The following CLEC16A variants were observed in gnomAD, a reference collection of about 807,000 sequenced individuals.
CLEC16A encodes C-type lectin domain containing 16A, also known as protein CLEC16A.
A neutral mutation model predicts 109.5 loss-of-function variants in CLEC16A; 51 were observed. That is an observed-to-expected ratio of 0.47 (90% confidence interval 0.37 to 0.59). The LOEUF (loss-of-function observed/expected upper bound fraction) is 0.59, where lower values mean the gene tolerates loss of function less well. Among genes scored for constraint, CLEC16A ranks in the 20% least tolerant of loss-of-function variants. CLEC16A has a pLI of 0.00. For missense variants in CLEC16A, 1,339 were observed against 1,394.0 expected, an observed-to-expected ratio of 0.96 and a Z score of 0.63; for synonymous variants, 673 against 564.2, an observed-to-expected ratio of 1.19 and a Z score of -2.73.
intron 10 of CLEC16A, among the ~76,000 whole-genome samples, chr16:10,992,559 A>G (rs12447132): frequency 0.19 from 21,442 of 115,130 alleles, 4,018 homozygotes; most frequent in East Asian, 0.4. Flanking sequence ...GAAAAAGATA[A>G]CATTAAATGG....
chr16:11,049,862 C>T (rs993046829), intron 17 of CLEC16A, among the ~76,000 whole-genome samples: 34 of 152,198 alleles, frequency 2.2e-4, no homozygotes, highest in African/African-American at 7.7e-4. Context: ...GGAACTGCCA[C>T]CCCTGCGGGG....
In CLEC16A at chr16:11,123,907, C is replaced by G; in HGVS notation, c.2434C>G (p.Arg812Gly). ...CGCCAAGCAGCGCCTGGCCAAAGGC[C>G]GCATCCAGGCAAGGCGCATGAAGAT... ...IIAKQRLAKG[R>G]IQARRMKMQR... The change falls in exon 21 of 24, where the codon CGC becomes GGC. Residue 812 changes from arginine (R) to glycine (G), a missense_variant. Transcript: ENST00000409790. The G allele has an allele frequency of 6.2e-7, 1 of 1,613,686 alleles. No homozygotes were observed. The highest frequency in any genetic ancestry group is 1.1e-5 in the South Asian group (1 of 91,018).
intron 19 of CLEC16A, among the ~76,000 whole-genome samples, chr16:11,064,776 C>T (rs2048674138): frequency 6.6e-6 from 1 of 151,898 alleles, no homozygotes; most frequent in South Asian, 2.1e-4. Context: ...GACCCTCTTT[C>T]AAAAAAATAA....
chr16:11,085,403 G>A lies in CLEC16A; in HGVS notation c.2116+24381G>A, dbSNP rs544624889. Among the ~76,000 whole-genome samples the A allele has an allele frequency of 5.2e-5, 8 of 152,396 alleles. No homozygotes were observed. In the South Asian group the frequency reaches 1.2e-3, roughly 24 times the overall value. ...GCCCGTGGAGGTGCTGGGGCAGCAC[G>A]CTGGCAAGCAGGCAGACTCGGCCAA... On this transcript the variant is annotated intron_variant, in intron 19 of 23. Coordinates refer to ENST00000409790, the MANE Select transcript of CLEC16A (RefSeq NM_015226.3).
intron 22 of CLEC16A, among the ~76,000 whole-genome samples, chr16:11,164,306 C>T (rs2054827474): frequency 1.3e-5 from 2 of 152,180 alleles, no homozygotes; most frequent in African/African-American, 4.8e-5. Flanking sequence ...TGTTAAGTCA[C>T]CCCCAAAACC....
chr16:11,124,046 G>T (rs79917284), intron 21 of CLEC16A, 100 bp downstream of exon 21: 115 of 1,041,636 alleles, frequency 1.1e-4, no homozygotes, highest in Non-Finnish European at 1.1e-4. Flanking sequence ...TAGCATAGAA[G>T]AAGACACGTA....
chr16:11,125,269 G>C (rs761687538), intron 21 of CLEC16A, among the ~76,000 whole-genome samples: 1 of 151,704 alleles, frequency 6.6e-6, no homozygotes, highest in African/African-American at 2.4e-5. Flanking sequence ...AAATCATTCA[G>C]CCCTTTCTTT....
chr16:11,137,067 C>T (rs1018347542), intron 22 of CLEC16A, among the ~76,000 whole-genome samples: 3 of 152,188 alleles, frequency 2.0e-5, no homozygotes, highest in Admixed American at 1.3e-4. Flanking sequence ...TCTACTCCAT[C>T]GTGTGAACCA....
At chr16:11,152,663 C>T (rs1309414360) in intron 22 of CLEC16A, among the ~76,000 whole-genome samples, 2 of 152,226 alleles carry the variant, frequency 1.3e-5, no homozygotes, top group African/African-American at 2.4e-5. Context: ...AGCATTCACA[C>T]AGCATCCTGA....
chr16:11,112,293 T>C (rs2051646661), intron 19 of CLEC16A, among the ~76,000 whole-genome samples: 1 of 152,116 alleles, frequency 6.6e-6, no homozygotes, highest in South Asian at 2.1e-4. Context: ...TAAAAAGGTT[T>C]TATACCTGTT....
chr16:11,054,467 T>G (rs1291456610), intron 18 of CLEC16A, among the ~76,000 whole-genome samples: 2 of 152,198 alleles, frequency 1.3e-5, no homozygotes, highest in Non-Finnish European at 2.9e-5. Flanking sequence ...TCCCTTGTCC[T>G]GGATAGGATG....
chr16:11,001,235 G>A (rs1418899401), intron 10 of CLEC16A, among the ~76,000 whole-genome samples: 1 of 152,162 alleles, frequency 6.6e-6, no homozygotes, highest in African/African-American at 2.4e-5. Flanking sequence ...ACATGGGCAT[G>A]CCACCATGCC....
chr16:10,986,266 G>A (rs1287112350), intron 10 of CLEC16A, among the ~76,000 whole-genome samples: 4 of 151,468 alleles, frequency 2.6e-5, no homozygotes, highest in South Asian at 4.2e-4. Flanking sequence ...TCCTGACCTC[G>A]TGATCCACCC....
At chr16:11,153,698 G>T (rs1460352612) in intron 22 of CLEC16A, among the ~76,000 whole-genome samples, 2 of 151,774 alleles carry the variant, frequency 1.3e-5, no homozygotes, top group Non-Finnish European at 2.9e-5. Flanking sequence ...CTGACCCCAA[G>T]ACATAATAAA....
rs34036131 is a variant in CLEC16A, at chr16:11,134,182, A to ATT, written c.2641+8057_2641+8058dup. Among the ~76,000 whole-genome samples the ATT allele has an allele frequency of 4.5e-3, 561 of 124,028 alleles. 5 individuals are homozygous for ATT. The highest frequency in any genetic ancestry group is 0.013 in the African/African-American group (439 of 33,178). The allele number at this position is 124,028 out of a possible 152,430, so 81.4% of individuals were successfully genotyped here. ...AGCTAATGTGAATTCCCCTTTTCTGATTTTTTTTTTTTTTTTTTTTTTGAA... is the reference window on the plus strand; with the variant it reads ...AGCTAATGTGAATTCCCCTTTTCTGATTTTTTTTTTTTTTTTTTTTTTTTGAA... On this transcript the variant is annotated intron_variant, in intron 22 of 23. Coordinates refer to ENST00000409790, the MANE Select transcript of CLEC16A (RefSeq NM_015226.3).
chr16:11,066,554 GCCT>G (rs1328831880), intron 19 of CLEC16A: 1 of 152,350 alleles, frequency 6.6e-6, no homozygotes, highest in Admixed American at 6.5e-5. Context: ...CAGTCCGGAA[GCCT>G]CCTCGCTACT....
chr16:11,160,169 C>G (rs1455695852), intron 22 of CLEC16A, among the ~76,000 whole-genome samples: 3 of 152,098 alleles, frequency 2.0e-5, no homozygotes, highest in East Asian at 1.9e-4. Flanking sequence ...CCAGTATCCT[C>G]AGAGTAATTA....
At chr16:11,095,098 T>C (rs1245120497) in intron 19 of CLEC16A, among the ~76,000 whole-genome samples, 1 of 152,190 alleles carries the variant, frequency 6.6e-6, no homozygotes, top group East Asian at 1.9e-4. Flanking sequence ...TTTTTCTTTT[T>C]TTTTTTAAGT....
chr16:11,128,356 G>A (rs925441080), intron 22 of CLEC16A, among the ~76,000 whole-genome samples: 7 of 152,202 alleles, frequency 4.6e-5, no homozygotes, highest in Non-Finnish European at 8.8e-5. Context: ...AGTGTGGCCC[G>A]GCTCCAGAAC....
Sources: gnomAD v4.1 joint callset for allele counts (sites outside exome capture counted in the v4.1 genomes callset) on GRCh38, gnomAD v4.1.1 for gene constraint, MANE v1.5 for transcripts, NCBI Gene and HGNC (gene_info 2026-07-23, HGNC 2026-07-21) for gene names.